The following WDR45 variants were observed in gnomAD, a reference collection of about 807,000 sequenced individuals.
WDR45 encodes WD repeat domain 45.
In WDR45, 2 loss-of-function variants were observed where a neutral mutation model predicts 27.3. The observed-to-expected ratio is 0.07, with a 90% CI of 0.03 to 0.23. The LOEUF (loss-of-function observed/expected upper bound fraction) is 0.23. WDR45 is among the 10% of genes least tolerant of loss of function. The pLI, the probability that WDR45 is intolerant of heterozygous loss-of-function variation, is 1.00. For synonymous variants in WDR45, 99 were observed against 119.2 expected, an observed-to-expected ratio of 0.83 and a Z score of 1.11; for missense variants, 175 against 311.9, an observed-to-expected ratio of 0.56 and a Z score of 3.31.
intron 2 of WDR45, among the ~76,000 whole-genome samples, chrX:49,092,451 TATA>T (rs1165844644): frequency 9.1e-6 from 1 of 110,109 alleles, no homozygotes; most frequent in Non-Finnish European, 1.9e-5. Context: ...TGGACCAAAA[TATA>T]ATACCTATTT....
At chrX:49,088,300 G>A (rs969526032) in intron 2 of WDR45, among the ~76,000 whole-genome samples, 3 of 111,530 alleles carry the variant, frequency 2.7e-5, no homozygotes, top group Non-Finnish European at 5.6e-5. Flanking sequence ...CCAGGTACTC[G>A]GGAGGCTGAG....
intron 2 of WDR45, among the ~76,000 whole-genome samples, chrX:49,095,756 G>A (rs1407203784): frequency 5.2e-5 from 4 of 76,605 alleles, no homozygotes; most frequent in South Asian, 8.7e-4. Flanking sequence ...CACCGTGCCC[G>A]GCCTTTTTTT....
chrX:49,097,866 C>T (rs1377289407), intron 2 of WDR45, among the ~76,000 whole-genome samples: 4 of 101,690 alleles, frequency 3.9e-5, no homozygotes, highest in South Asian at 4.6e-4. Context: ...CCATGTTGGT[C>T]AGGCCGGTCT....
At chrX:49,096,145 T>C (rs2065124811) in intron 2 of WDR45, among the ~76,000 whole-genome samples, 1 of 110,921 alleles carries the variant, frequency 9.0e-6, no homozygotes, top group Admixed American at 9.8e-5. Context: ...GGATTTGACA[T>C]TGCACTTGAC....
upstream of WDR45, among the ~76,000 whole-genome samples, chrX:49,081,570 T>C (rs1209588103): frequency 9.4e-6 from 1 of 106,471 alleles, no homozygotes; most frequent in Non-Finnish European, 1.9e-5. Context: ...CACGCGCCTG[T>C]AATCCTAGCT....
chrX:49,095,944 T>C (rs1557087245), intron 2 of WDR45, among the ~76,000 whole-genome samples: 1 of 106,225 alleles, frequency 9.4e-6, no homozygotes, highest in African/African-American at 3.4e-5. Context: ...TTTGTATTTT[T>C]TTTTTTAGTA....
At chrX:49,089,239 G>C (rs1557086311) in intron 2 of WDR45, among the ~76,000 whole-genome samples, 1 of 111,486 alleles carries the variant, frequency 9.0e-6, no homozygotes, top group African/African-American at 3.3e-5. Context: ...AGTGAGGCAA[G>C]ATCATGCCAC....
intron 1 of WDR45, 135 bp downstream of exon 1, chrX:49,079,616 C>T (rs2065057350): frequency 8.9e-6 from 1 of 112,578 alleles, no homozygotes; most frequent in African/African-American, 3.2e-5. Context: ...CACCTCCATT[C>T]CAAGACTCTG....
intron 2 of WDR45, among the ~76,000 whole-genome samples, chrX:49,093,161 G>A (rs1435803597): frequency 9.0e-6 from 1 of 111,144 alleles, no homozygotes; most frequent in African/African-American, 3.3e-5. Flanking sequence ...ATCTGACCTC[G>A]GCCTCCCAAA....
rs782387736 is a variant in WDR45, at chrX:49,096,403, T to C, written c.-18+3802A>G. On this transcript the variant is annotated intron_variant, in intron 2 of 11. Coordinates refer to the WDR45 transcript ENST00000356463. ...GCACCACCACACCCAGCTAAATTTG[T>C]TTATTTTTGTAGAGACTAGATCTCA... Among the ~76,000 whole-genome samples the C allele has an allele frequency of 5.4e-5, 6 of 111,287 alleles. No homozygotes were observed. In the South Asian group the frequency reaches 2.3e-3, roughly 42 times the overall value.
chrX:49,077,727 T>C lies in WDR45; in HGVS notation c.151A>G (p.Met51Val), dbSNP rs781821289. 14 of 1,200,671 alleles carry C rather than the reference T, an allele frequency of 1.2e-5. No homozygotes were observed. The highest frequency in any genetic ancestry group is 1.5e-5 in the Non-Finnish European group (13 of 889,657). The change falls in exon 4 of 11, where the codon ATG becomes GTG. Residue 51 changes from methionine (M) to valine (V), a missense_variant. Met to Val is a conservative substitution (Grantham distance 21). Around this residue, in one of 3 missense-constraint regions of WDR45, gnomAD observed 102 missense variants for 165.4 expected, o/e 0.62. Coordinates refer to ENST00000376372, the MANE Select transcript of WDR45 (RefSeq NM_001029896.2). ...GHLDHEQVGSMGLVEMLHRSN... is the reference protein window; with the variant it reads ...GHLDHEQVGSVGLVEMLHRSN... The stretch of plus-strand genomic sequence containing the variant: ...CGGTGCAGCATCTCCACCAAGCCCA[T>C]GCTGCCCACCTGCTCGTGGTCTGGA...
chrX:49,075,961 G>C lies in WDR45; in HGVS notation c.437-16C>G, dbSNP rs2147815764. 2 of 1,186,568 alleles carry C rather than the reference G, an allele frequency of 1.7e-6. No individual in the cohort carries two copies. The highest frequency in any genetic ancestry group is 1.8e-5 in the South Asian group (1 of 55,567). On this transcript the variant is annotated splice_polypyrimidine_tract_variant and intron_variant, in intron 6 of 10. Coordinates refer to ENST00000376372, the MANE Select transcript of WDR45 (RefSeq NM_001029896.2). ...TCACAGAGCCCTAGGGTGTGAAGATGGGGGGTGGGGTGGGCGGCTGAAGAG... is the reference window on the plus strand; with the variant it reads ...TCACAGAGCCCTAGGGTGTGAAGATCGGGGGTGGGGTGGGCGGCTGAAGAG...
upstream of WDR45, among the ~76,000 whole-genome samples, chrX:49,083,945 TAA>T (rs1296886066): frequency 1.9e-4 from 9 of 48,086 alleles, no homozygotes; most frequent in Non-Finnish European, 2.6e-4. Flanking sequence ...ACACTCTGTC[TAA>T]AAAAAAAAAA....
At chrX:49,082,408 A>G (rs2065071109), upstream of WDR45, among the ~76,000 whole-genome samples, 1 of 111,238 alleles carries the variant, frequency 9.0e-6, no homozygotes, top group African/African-American at 3.3e-5. Context: ...CTGTGTCGTC[A>G]ATTCCCATGT....
chrX:49,090,651 C>T (rs1216213143), intron 2 of WDR45, among the ~76,000 whole-genome samples: 2 of 111,184 alleles, frequency 1.8e-5, no homozygotes, highest in African/African-American at 6.5e-5. Flanking sequence ...AATTCTCCTG[C>T]CTCAGCCTCC....
At chrX:49,077,992 T>C in intron 2 of WDR45, 49 bp downstream of exon 2, 1 of 1,210,600 alleles carries the variant, frequency 8.3e-7, no homozygotes, top group East Asian at 3.0e-5. Context: ...TTCTGACCCC[T>C]CTTTTCCTCG....
intron 2 of WDR45, among the ~76,000 whole-genome samples, chrX:49,094,603 G>A (rs191059853): frequency 1.7e-3 from 188 of 110,494 alleles, no homozygotes; most frequent in Non-Finnish European, 2.7e-3. Context: ...CCCTAAATTC[G>A]CTATTTTGGA....
At chrX:49,080,837 T>A (rs1180890542), upstream of WDR45, among the ~76,000 whole-genome samples, 2 of 102,565 alleles carry the variant, frequency 1.9e-5, no homozygotes, top group Non-Finnish European at 3.9e-5. Flanking sequence ...AGGTCCTACC[T>A]ATGATAAAGC....
chrX:49,078,307 A>G (rs1446930742), intron 1 of WDR45, among the ~76,000 whole-genome samples, 195 bp from the exon 2 acceptor site: 2 of 112,519 alleles, frequency 1.8e-5, no homozygotes, highest in African/African-American at 6.5e-5. Context: ...GGATCACCTG[A>G]GGTCAGGAGT....
Sources: gnomAD v4.1 joint callset for allele counts (sites outside exome capture counted in the v4.1 genomes callset) on GRCh38, gnomAD v4.1.1 for gene constraint, gnomAD v4.1.1 regional missense constraint, MANE v1.5 for transcripts, NCBI Gene and HGNC (gene_info 2026-07-23, HGNC 2026-07-21) for gene names.